Variants in GRIP1 observed in about 807,000 individuals in gnomAD.
GRIP1 encodes glutamate receptor-interacting protein 1.
In GRIP1, 45 loss-of-function variants were observed where a neutral mutation model predicts 129.9. The ratio of observed to expected loss-of-function variants is 0.35; its 90% CI spans 0.27 to 0.44. The LOEUF is 0.44. Among genes scored for constraint, GRIP1 ranks in the 20% least tolerant of loss-of-function variants. The pLI is 1.00. For missense variants in GRIP1, 1,196 were observed against 1,396.8 expected, an observed-to-expected ratio of 0.86 and a Z score of 2.29; for synonymous variants, 530 against 520.8, an observed-to-expected ratio of 1.02 and a Z score of -0.24.
intron 1 of GRIP1, among the ~76,000 whole-genome samples, chr12:66,723,275 CCTTCCTTCCTTTCTTT>C (rs1211940889): frequency 8.7e-5 from 1 of 11,508 alleles, no homozygotes; most frequent in Non-Finnish European, 1.6e-4. Flanking sequence ...TTCCTTCCTT[CCTTCCTTCCTTTCTTT>C]CTTTCTTTCT....
intron 2 of GRIP1, among the ~76,000 whole-genome samples, chr12:66,585,107 T>A (rs917600560): frequency 2.8e-4 from 19 of 68,562 alleles, no homozygotes; most frequent in African/African-American, 1.7e-3. Flanking sequence ...TTTTCCTTCT[T>A]TTTTTTTATT....
intron 1 of GRIP1, among the ~76,000 whole-genome samples, chr12:66,857,270 G>A (rs541653628): frequency 3.5e-3 from 528 of 152,124 alleles, no homozygotes; most frequent in Non-Finnish European, 5.8e-3. Context: ...TATACCTAAT[G>A]TTAAATGACG....
chr12:66,959,974 G>A (rs950272194), intron 1 of GRIP1, among the ~76,000 whole-genome samples: 1 of 152,058 alleles, frequency 6.6e-6, no homozygotes, highest in Non-Finnish European at 1.5e-5. Context: ...AAAATAGCTC[G>A]GAGGGTGATT....
At chr12:66,391,654 C>T (rs1463042503) in intron 19 of GRIP1, among the ~76,000 whole-genome samples, 2 of 152,100 alleles carry the variant, frequency 1.3e-5, no homozygotes, top group Non-Finnish European at 2.9e-5. Context: ...AAGTTTGATA[C>T]CAGCCTGGAG....
At chr12:66,534,715 A>C (rs1356793516) in intron 4 of GRIP1, among the ~76,000 whole-genome samples, 3 of 148,932 alleles carry the variant, frequency 2.0e-5, no homozygotes, top group Non-Finnish European at 4.4e-5. Flanking sequence ...TCTTTTTGAG[A>C]TGGAGTCTTG....
intron 1 of GRIP1, among the ~76,000 whole-genome samples, chr12:66,974,212 C>T (rs1442123441): frequency 6.6e-6 from 1 of 152,134 alleles, no homozygotes. Flanking sequence ...GCATGAGCCA[C>T]CGCACCTGGC....
intron 2 of GRIP1, among the ~76,000 whole-genome samples, chr12:66,561,588 C>G (rs1167590620): frequency 6.6e-6 from 1 of 152,076 alleles, no homozygotes; most frequent in Non-Finnish European, 1.5e-5. Flanking sequence ...TAAGTTGGGA[C>G]AGTCACTTGA....
At chr12:66,679,894 G>A (rs2034517905), upstream of GRIP1, among the ~76,000 whole-genome samples, 1 of 152,174 alleles carries the variant, frequency 6.6e-6, no homozygotes, top group Admixed American at 6.5e-5. Flanking sequence ...ATGGAGTGAA[G>A]AGCAAATTAA....
intron 1 of GRIP1, among the ~76,000 whole-genome samples, chr12:66,733,940 A>G (rs2036517035): frequency 6.6e-6 from 1 of 152,192 alleles, no homozygotes; most frequent in Admixed American, 6.5e-5. Context: ...CACTATCACC[A>G]CAGGGCATTA....
At chr12:66,816,542 A>G (rs1341989684) in intron 1 of GRIP1, among the ~76,000 whole-genome samples, 1 of 152,222 alleles carries the variant, frequency 6.6e-6, no homozygotes, top group Admixed American at 6.5e-5. Flanking sequence ...TAAAGATTCA[A>G]TAAATTATGG....
At chr12:66,636,269 G>C (rs1015460836) in intron 1 of GRIP1, among the ~76,000 whole-genome samples, 1 of 152,072 alleles carries the variant, frequency 6.6e-6, no homozygotes, top group African/African-American at 2.4e-5. Context: ...GGAACGGGGA[G>C]TTATTGTTTA....
chr12:66,928,250 G>A (rs1013610060), intron 1 of GRIP1, among the ~76,000 whole-genome samples: 6 of 152,162 alleles, frequency 3.9e-5, no homozygotes, highest in African/African-American at 1.4e-4. Context: ...TTTAACACAG[G>A]TACATTTTAA....
intron 1 of GRIP1, among the ~76,000 whole-genome samples, chr12:66,653,694 C>T (rs1454518029): frequency 6.6e-6 from 1 of 152,214 alleles, no homozygotes; most frequent in Non-Finnish European, 1.5e-5. Context: ...AGATAATCGA[C>T]TGCCTGAAAC....
At chr12:66,469,336 T>C (rs1427254602) in intron 7 of GRIP1, among the ~76,000 whole-genome samples, 1 of 152,168 alleles carries the variant, frequency 6.6e-6, no homozygotes, top group Non-Finnish European at 1.5e-5. Flanking sequence ...TTAACCAACT[T>C]TATGAAAATA....
chr12:66,961,635 C>G (rs1249805003), intron 1 of GRIP1, among the ~76,000 whole-genome samples: 1 of 151,988 alleles, frequency 6.6e-6, no homozygotes, highest in Non-Finnish European at 1.5e-5. Context: ...AGCTGCCTTT[C>G]TCTTTCTCTT....
At chr12:66,713,610 T>C (rs2035779293) in intron 1 of GRIP1, among the ~76,000 whole-genome samples, 1 of 152,116 alleles carries the variant, frequency 6.6e-6, no homozygotes, top group African/African-American at 2.4e-5. Context: ...TCCTCCACTG[T>C]CCATCACCCA....
chr12:66,851,333 C>T (rs186901689), intron 1 of GRIP1, among the ~76,000 whole-genome samples: 3 of 152,114 alleles, frequency 2.0e-5, no homozygotes, highest in African/African-American at 7.2e-5. Flanking sequence ...AAGTACGTTG[C>T]TCTACTATAA....
chr12:66,671,111 A>G (rs1277852998), intron 1 of GRIP1, among the ~76,000 whole-genome samples: 1 of 152,200 alleles, frequency 6.6e-6, no homozygotes, highest in African/African-American at 2.4e-5. Context: ...TCCAGGCAAC[A>G]TTATTTTCTT....
chr12:66,963,266 G>C (rs2041949079), intron 1 of GRIP1, among the ~76,000 whole-genome samples: 1 of 152,148 alleles, frequency 6.6e-6, no homozygotes, highest in Non-Finnish European at 1.5e-5. Flanking sequence ...AGTGAGCCAT[G>C]ATTGCACCAC....
Sources: allele counts gnomAD v4.1 joint callset (sites outside exome capture counted in the v4.1 genomes callset), GRCh38; gene constraint gnomAD v4.1.1; transcripts MANE v1.5; gene names NCBI Gene and HGNC (gene_info 2026-07-23, HGNC 2026-07-21).